Variants in SESTD1 observed in about 807,000 individuals in gnomAD.
SESTD1 encodes the protein SEC14 and spectrin domain containing 1, also known as SEC14 domain and spectrin repeat-containing protein 1.
In SESTD1, 43 loss-of-function variants were observed where a neutral mutation model predicts 101.7. The ratio of observed to expected loss-of-function variants is 0.42; its 90% CI spans 0.33 to 0.55. The LOEUF (loss-of-function observed/expected upper bound fraction) is 0.55. Ranked by LOEUF, SESTD1 falls within the 20% of genes least tolerant of loss-of-function variation. The pLI is 0.07. For missense variants in SESTD1, 647 were observed against 815.1 expected, an observed-to-expected ratio of 0.79 and a Z score of 2.51; for synonymous variants, 283 against 286.8, an observed-to-expected ratio of 0.99 and a Z score of 0.13.
intron 1 of SESTD1, among the ~76,000 whole-genome samples, chr2:179,238,899 C>A (rs1308386714): frequency 6.6e-6 from 1 of 152,146 alleles, no homozygotes; most frequent in Non-Finnish European, 1.5e-5. Flanking sequence ...TTATCCCTAA[C>A]TGCTTTTATT....
chr2:179,116,926 T>G, intron 14 of SESTD1, 136 bp from the exon 15 acceptor site: 1 of 1,185,578 alleles, frequency 8.4e-7, no homozygotes, highest in Non-Finnish European at 1.2e-6. Context: ...AAAGCTTATT[T>G]CATTCAATGA....
rs2046499101 is a variant in SESTD1 at position 179,200,863 on chromosome 2, C to A, written c.-25-8997G>T. 3.7e-5 allele frequency among the ~76,000 whole-genome samples: 5 copies of A among 134,124 alleles called. 2 individuals are homozygous for A. The highest frequency in any genetic ancestry group is 8.4e-3 in the Middle Eastern group (2 of 238). 88.0% of individuals were successfully genotyped at this position (134,124 alleles called of 152,430 possible). On this transcript the variant is annotated intron_variant, in intron 1 of 17. Coordinates refer to ENST00000428443, the MANE Select transcript of SESTD1 (RefSeq NM_178123.5). ...TTACCATTCAGGACATAGGCATGGGCAAGGACTTCATGTCTAAAACACCAA... is the reference window on the plus strand; with the variant it reads ...TTACCATTCAGGACATAGGCATGGGAAAGGACTTCATGTCTAAAACACCAA...
At chr2:179,175,320 C>G (rs1007795408) in intron 4 of SESTD1, among the ~76,000 whole-genome samples, 1 of 152,104 alleles carries the variant, frequency 6.6e-6, no homozygotes, top group Non-Finnish European at 1.5e-5. Context: ...CCCAATTAAC[C>G]TAAATAAATG....
chr2:179,117,561 A>T lies in SESTD1; in HGVS notation c.1495T>A (p.Leu499Met). The T allele has an allele frequency of 6.3e-7, 1 of 1,584,370 alleles. No homozygotes were observed. Residue 499 changes from leucine to methionine, a missense_variant, in exon 14 of 18, where the codon TTG becomes ATG. Physicochemically the swap from Leu to Met is conservative, Grantham distance 15. This residue lies in a region of SESTD1 where 476 missense variants were observed against 562.6 expected (regional missense o/e 0.85). Coordinates refer to ENST00000428443, the MANE Select transcript of SESTD1 (RefSeq NM_178123.5). ...RRLKMLQMVQ[L>M]FKCEEDAAQA... is the part of the protein sequence containing the mutation. ...GCAGCATCTTCTTCACATTTAAACA[A>T]CTGCACCATCTGAAGCATCTTTAAC... is the stretch of plus-strand genomic sequence containing the variant.
At chr2:179,157,061 C>T (rs1190569775) in intron 5 of SESTD1, among the ~76,000 whole-genome samples, 1 of 152,134 alleles carries the variant, frequency 6.6e-6, no homozygotes, top group Non-Finnish European at 1.5e-5. Context: ...TATCCCAGCA[C>T]CATTTGTTGA....
intron 9 of SESTD1, among the ~76,000 whole-genome samples, chr2:179,140,069 C>A (rs2045243339): frequency 6.6e-6 from 1 of 152,184 alleles, no homozygotes; most frequent in Non-Finnish European, 1.5e-5. Flanking sequence ...CCGTTTACGT[C>A]CACCTTGTTG....
chr2:179,143,551 G>T, intron 9 of SESTD1, 41 bp downstream of exon 9: 1 of 1,558,346 alleles, frequency 6.4e-7, no homozygotes. Context: ...GAAATTATAA[G>T]GAATTAAAAA....
At chr2:179,117,650 T>C in intron 13 of SESTD1, 37 bp from the exon 14 acceptor site, 2 of 1,494,582 alleles carry the variant, frequency 1.3e-6, no homozygotes, top group Non-Finnish European at 9.0e-7. Context: ...TCATCATTTC[T>C]GTTTTATTGA....
chr2:179,110,026 G>C lies in SESTD1; in HGVS notation c.1964C>G (p.Thr655Ser). ...LTVPVVYPDG[T>S]EQYFGSPSDM... is the part of the protein sequence containing the mutation. ...ACTTGGACTCCCAAAATATTGTTCG[G>C]TTCTAAAAATCAAAACACACAGAAA... Residue 655 changes from threonine (T) to serine (S), a missense_variant and splice_region_variant, in exon 18 of 18, where the codon ACC (threonine) becomes AGC (serine). Around this residue, in one of 3 missense-constraint regions of SESTD1, gnomAD observed 476 missense variants for 562.6 expected, o/e 0.85. Coordinates refer to ENST00000428443, the MANE Select transcript of SESTD1 (RefSeq NM_178123.5). 1 of 1,612,540 alleles carries C rather than the reference G, an allele frequency of 6.2e-7. No individual in the cohort carries two copies. Among genetic ancestry groups the C allele is most frequent in the Non-Finnish European group, 8.5e-7 (1 of 1,179,184 alleles).
intron 1 of SESTD1, among the ~76,000 whole-genome samples, chr2:179,196,453 C>T (rs1303830995): frequency 6.6e-6 from 1 of 152,232 alleles, no homozygotes; most frequent in Non-Finnish European, 1.5e-5. Context: ...GTGGAGCCCA[C>T]CACAGCTAAA....
At chr2:179,213,781 C>G (rs1480421982) in intron 1 of SESTD1, among the ~76,000 whole-genome samples, 1 of 135,400 alleles carries the variant, frequency 7.4e-6, no homozygotes, top group East Asian at 2.0e-4. Flanking sequence ...GATGGAATCT[C>G]CTGGCAGAAA....
At chr2:179,155,817 T>C (rs1299803524) in intron 5 of SESTD1, among the ~76,000 whole-genome samples, 1 of 152,150 alleles carries the variant, frequency 6.6e-6, no homozygotes, top group Non-Finnish European at 1.5e-5. Flanking sequence ...TGGTGATTTG[T>C]GAGATTTTGG....
At position 179,184,220 on chromosome 2, in the gene SESTD1, A is replaced by C. The variant is rs140066164; in HGVS notation, c.56-1032T>G. ...TCTTTGGAAGTTTCCTACATGTTTG[A>C]ATTTCATACTGAAGCCCATCTTCTG... On this transcript the variant is annotated intron_variant, in intron 2 of 17. Coordinates refer to ENST00000428443, the MANE Select transcript of SESTD1 (RefSeq NM_178123.5). Among the ~76,000 whole-genome samples the C allele has an allele frequency of 1.8e-4, 28 of 152,266 alleles. 1 individual carries two copies. In the East Asian group the frequency reaches 5.2e-3, roughly 28 times the overall value.
intron 1 of SESTD1, chr2:179,263,841 C>T (rs570124228): frequency 1.3e-5 from 2 of 152,692 alleles, no homozygotes; most frequent in South Asian, 4.1e-4. Flanking sequence ...TCTCTCTCCT[C>T]CCCTTTGTGA....
chr2:179,132,145 A>C, intron 10 of SESTD1, 159 bp downstream of exon 10: 1 of 741,476 alleles, frequency 1.3e-6, no homozygotes, highest in South Asian at 4.1e-5. Flanking sequence ...AACATGTACT[A>C]AGTAATCAAA....
Position 179,103,283 on chromosome 2 carries a change from ACTT to A in SESTD1, c.*6613_*6615del, listed in dbSNP as rs1489259649. 1 of 152,016 alleles carries A rather than the reference ACTT, an allele frequency of 6.6e-6. No homozygotes were observed. Among genetic ancestry groups the A allele is most frequent in the African/African-American group, 2.4e-5 (1 of 41,380 alleles). 9.4% of individuals were successfully genotyped at this position (152,016 alleles called of 1,614,324 possible). Reference sequence around the variant, plus strand: ...ACAATGCCATTGTTATTCCAAACTCACTTCTTCTAATACTTCAATATGGATCAT... The same window carrying A: ...ACAATGCCATTGTTATTCCAAACTCACTTCTAATACTTCAATATGGATCAT... On this transcript the variant is annotated 3_prime_UTR_variant, in exon 18 of 18. Transcript: ENST00000428443.
intron 15 of SESTD1, 78 bp downstream of exon 15, chr2:179,116,590 G>A (rs1233300024): frequency 6.2e-7 from 1 of 1,603,282 alleles, no homozygotes; most frequent in Non-Finnish European, 8.5e-7. Flanking sequence ...GTACTTGGAA[G>A]GTAAAGTTAC....
intron 1 of SESTD1, among the ~76,000 whole-genome samples, chr2:179,255,116 T>G (rs1405294700): frequency 6.6e-6 from 1 of 152,210 alleles, no homozygotes; most frequent in Non-Finnish European, 1.5e-5. Context: ...CCTGTCTCTC[T>G]CCTTCTCCTC....
At position 179,123,961 on chromosome 2, in the gene SESTD1, G is replaced by A. The variant is rs944404273; in HGVS notation, c.1168-132C>T. 5.1e-5 allele frequency: 33 copies of A among 641,870 alleles called. No homozygotes were observed. In the African/African-American group the frequency reaches 6.0e-4, roughly 12 times the overall value. 39.8% of individuals were successfully genotyped at this position (641,870 alleles called of 1,614,324 possible). A position where few individuals can be genotyped will look rare whatever the true frequency, so the allele number is the denominator to read the frequency against. ...AAAGACTACACTGTTACAAGACAAG[G>A]ACGAATCATTAGAATATGCATTATC... On this transcript the variant is annotated intron_variant, in intron 11 of 17. Coordinates refer to ENST00000428443, the MANE Select transcript of SESTD1 (RefSeq NM_178123.5).
Sources: gnomAD v4.1 joint callset for allele counts (sites outside exome capture counted in the v4.1 genomes callset) on GRCh38, gnomAD v4.1.1 for gene constraint, gnomAD v4.1.1 regional missense constraint, MANE v1.5 for transcripts, NCBI Gene and HGNC (gene_info 2026-07-23, HGNC 2026-07-21) for gene names.